Variants in CECR2 observed in about 807,000 individuals in gnomAD.
CECR2 encodes chromatin remodeling regulator CECR2.
In CECR2, 30 loss-of-function variants were observed where a neutral mutation model predicts 154.5. The ratio of observed to expected loss-of-function variants is 0.19; its 90% CI spans 0.15 to 0.26. The LOEUF is 0.26. Among genes scored for constraint, CECR2 ranks in the 10% least tolerant of loss-of-function variants. CECR2 has a pLI of 1.00. For missense variants in CECR2, 1,743 were observed against 1,829.3 expected (o/e 0.95, Z 0.86); for synonymous variants, 725 against 683.7 (o/e 1.06, Z -0.94).
intron 1 of CECR2, among the ~76,000 whole-genome samples, chr22:17,431,569 C>T (rs2054423070): frequency 6.6e-6 from 1 of 152,088 alleles, no homozygotes; most frequent in Non-Finnish European, 1.5e-5. Context: ...TAACTACCAG[C>T]AGTTCCTTGC....
At chr22:17,422,620 C>A (rs1045454088) in intron 1 of CECR2, among the ~76,000 whole-genome samples, 1 of 151,844 alleles carries the variant, frequency 6.6e-6, no homozygotes, top group South Asian at 2.1e-4. Context: ...CTCTTCCTTT[C>A]TTCTCCTCTT....
intron 14 of CECR2, among the ~76,000 whole-genome samples, chr22:17,541,211 C>T (rs921269234): frequency 8.5e-5 from 13 of 152,182 alleles, no homozygotes; most frequent in Admixed American, 2.0e-4. Context: ...AATCCCAGCA[C>T]TTTGGGAGGC....
intron 1 of CECR2, among the ~76,000 whole-genome samples, chr22:17,439,168 CTT>C (rs75068959): frequency 0.084 from 11,846 of 140,300 alleles, 979 homozygotes; most frequent in African/African-American, 0.22. Flanking sequence ...GAAACACTCC[CTT>C]TTTTTTTTTT....
chr22:17,371,798 C>G (rs1420646957), intron 1 of CECR2, among the ~76,000 whole-genome samples: 3 of 152,204 alleles, frequency 2.0e-5, no homozygotes, highest in Admixed American at 2.0e-4. Context: ...CTTTATGTCT[C>G]AAAATCCATG....
intron 7 of CECR2, among the ~76,000 whole-genome samples, chr22:17,509,399 T>TA (rs1302248618): frequency 1.3e-5 from 2 of 151,362 alleles, no homozygotes; most frequent in African/African-American, 4.9e-5. Flanking sequence ...AGTTTCTTGA[T>TA]ACCATTCCAT....
At position 17,548,155 on chromosome 22, in the gene CECR2, G is replaced by C; in HGVS notation, c.2868G>C (p.Pro956=). ...TTTTTTTTTTTTTTGCAGCAGAGCC[G>C]TTGCCTGGCCTTGAAGAGAAACCAC... ...AQEPENDQAE[P]LPGLEEKPPG... Residue 956 remains proline, a synonymous_variant, in exon 17 of 19, where the codon CCG becomes CCC. Coordinates refer to ENST00000262608, the MANE Select transcript of CECR2 (RefSeq NM_001290047.2). 1 of 1,505,112 alleles carries C rather than the reference G, an allele frequency of 6.6e-7. No homozygotes were observed. The highest frequency in any genetic ancestry group is 8.9e-7 in the Non-Finnish European group (1 of 1,124,648). The allele number at this position is 1,505,112 out of a possible 1,614,324, so 93.2% of individuals were successfully genotyped here.
upstream of CECR2, among the ~76,000 whole-genome samples, chr22:17,367,215 C>T (rs1479029551): frequency 1.3e-5 from 2 of 152,136 alleles, no homozygotes; most frequent in Non-Finnish European, 2.9e-5. Flanking sequence ...ATTAAACACA[C>T]TACCGTACTA....
At chr22:17,396,337 G>C (rs2053810513) in intron 1 of CECR2, among the ~76,000 whole-genome samples, 1 of 152,112 alleles carries the variant, frequency 6.6e-6, no homozygotes, top group Non-Finnish European at 1.5e-5. Context: ...CTGAGTTCAG[G>C]AGTTTGAGAC....
At position 17,553,397 on chromosome 22, in the gene CECR2, T is replaced by A. The variant is rs1050632114; in HGVS notation, c.*557T>A. The A allele has an allele frequency of 1.6e-4, 24 of 153,058 alleles. No homozygotes were observed. Among genetic ancestry groups the A allele is most frequent in the African/African-American group, 5.8e-4 (24 of 41,548 alleles). The allele number at this position is 153,058 out of a possible 1,614,324, so 9.5% of individuals were successfully genotyped here. On this transcript the variant is annotated 3_prime_UTR_variant, in exon 19 of 19. Transcript: ENST00000262608. ...CGGAAGAAATGGGGGTCCTAACTGG[T>A]GGGCACACAGCACTGGAGTGATTTT...
At chr22:17,489,882 CTTTT>C (rs139768297) in intron 2 of CECR2, among the ~76,000 whole-genome samples, 1 of 140,494 alleles carries the variant, frequency 7.1e-6, no homozygotes, top group East Asian at 2.1e-4. Flanking sequence ...TTAGCTTGCT[CTTTT>C]TTTTTTTTTG....
chr22:17,417,090 G>T (rs2054167643), intron 1 of CECR2, among the ~76,000 whole-genome samples: 2 of 150,702 alleles, frequency 1.3e-5, no homozygotes, highest in South Asian at 4.2e-4. Flanking sequence ...ACATACAGTG[G>T]TAGATGTTTT....
chr22:17,481,039 CTTTT>C lies in CECR2; in HGVS notation c.221+3364_221+3367del, dbSNP rs369579628. ...TGGGCGAAAGAGTGAGACTCCATCT[CTTTT>C]TTTTTTAAAAAAAAAAAAGGCCGGG... On this transcript the variant is annotated intron_variant, in intron 2 of 18. Coordinates refer to ENST00000262608, the MANE Select transcript of CECR2 (RefSeq NM_001290047.2). 8.7e-3 allele frequency among the ~76,000 whole-genome samples: 864 copies of C among 99,612 alleles called. 8 individuals are homozygous for C. The highest frequency in any genetic ancestry group is 0.013 in the Non-Finnish European group (620 of 46,420). The allele number at this position is 99,612 out of a possible 152,430, so 65.3% of individuals were successfully genotyped here.
intron 1 of CECR2, among the ~76,000 whole-genome samples, chr22:17,382,839 A>AG (rs2063214624): frequency 6.6e-6 from 1 of 152,172 alleles, no homozygotes; most frequent in African/African-American, 2.4e-5. Flanking sequence ...CAGGAGGCGG[A>AG]GGTTGCAAGT....
At chr22:17,373,260 AT>A (rs2063081724) in intron 1 of CECR2, among the ~76,000 whole-genome samples, 1 of 152,134 alleles carries the variant, frequency 6.6e-6, no homozygotes, top group South Asian at 2.1e-4. Flanking sequence ...TTTTTACTCT[AT>A]TAATCAACCT....
At position 17,553,162 on chromosome 22, in the gene CECR2, T is replaced by G; in HGVS notation, c.*322T>G. 3.3e-6 allele frequency: 1 copy of G among 299,752 alleles called. No homozygotes were observed. The highest frequency in any genetic ancestry group is 5.9e-6 in the Non-Finnish European group (1 of 169,404). The allele number at this position is 299,752 out of a possible 1,614,324, so 18.6% of individuals were successfully genotyped here. A position where few individuals can be genotyped will look rare whatever the true frequency, so the allele number is the denominator to read the frequency against. On this transcript the variant is annotated 3_prime_UTR_variant, in exon 19 of 19. Coordinates refer to ENST00000262608, the MANE Select transcript of CECR2 (RefSeq NM_001290047.2). Reference sequence around the variant, plus strand: ...CTTTTCAGGGAAAATCACTTTAAACTTGGGGGAGGGGGTATACTCAAGAAT... The same window carrying G: ...CTTTTCAGGGAAAATCACTTTAAACGTGGGGGAGGGGGTATACTCAAGAAT...
Position 17,404,367 on chromosome 22 carries a change from TC to T in CECR2, c.126+34459del, listed in dbSNP as rs1409851771. On this transcript the variant is annotated intron_variant, in intron 1 of 18. Transcript: ENST00000262608. ...GGGTTCATTTCTGGACCCTGTTCTTTCTTTTTTTTTTTTTTTTTTTTTTTGA... is the reference window on the plus strand; with the variant it reads ...GGGTTCATTTCTGGACCCTGTTCTTTTTTTTTTTTTTTTTTTTTTTTTTGA... Among the ~76,000 whole-genome samples the T allele has an allele frequency of 2.4e-3, 193 of 81,686 alleles. 20 individuals are homozygous for T. Among genetic ancestry groups the T allele is most frequent in the African/African-American group, 0.011 (166 of 14,602 alleles). The allele number at this position is 81,686 out of a possible 152,430, so 53.6% of individuals were successfully genotyped here. A position where few individuals can be genotyped will look rare whatever the true frequency, so the allele number is the denominator to read the frequency against.
chr22:17,540,681 G>T lies in CECR2; in HGVS notation c.1765G>T (p.Asp589Tyr), dbSNP rs141453031. 5 of 1,613,940 alleles carry T rather than the reference G, an allele frequency of 3.1e-6. No homozygotes were observed. The highest frequency in any genetic ancestry group is 4.2e-6 in the Non-Finnish European group (5 of 1,179,866). ...ACGCCGAGCGCCCTCTTCTGGGGAC[G>T]ATCAGAGCAGCAGCTCCACACAGCC... is the stretch of plus-strand genomic sequence containing the variant. Reference protein sequence around the residue: ...PTRRAPSSGDDQSSSSTQPPR... With the variant: ...PTRRAPSSGDYQSSSSTQPPR... Residue 589 changes from aspartate to tyrosine, a missense_variant, in exon 14 of 19, where the codon GAT (aspartate) becomes TAT (tyrosine). Physicochemically the swap from Asp to Tyr is radical, Grantham distance 160. Around this residue, in one of 4 missense-constraint regions of CECR2, gnomAD observed 1,250 missense variants for 1,192.1 expected, o/e 1.05. Coordinates refer to ENST00000262608, the MANE Select transcript of CECR2 (RefSeq NM_001290047.2).
chr22:17,482,637 G>T (rs572567278), intron 2 of CECR2, among the ~76,000 whole-genome samples: 23 of 151,928 alleles, frequency 1.5e-4, no homozygotes, highest in South Asian at 1.0e-3. Flanking sequence ...GGTCTCAAAC[G>T]ATCTTCCCAC....
chr22:17,469,342 T>C (rs879366529), intron 1 of CECR2, among the ~76,000 whole-genome samples: 1 of 152,216 alleles, frequency 6.6e-6, no homozygotes, highest in Non-Finnish European at 1.5e-5. Flanking sequence ...GCAGTACTTT[T>C]CATGGTCCTC....
Sources: allele counts gnomAD v4.1 joint callset (sites outside exome capture counted in the v4.1 genomes callset), GRCh38; gene constraint gnomAD v4.1.1; regional missense constraint gnomAD v4.1.1; transcripts MANE v1.5; gene names NCBI Gene and HGNC (gene_info 2026-07-23, HGNC 2026-07-21).